OPTN: variants seen among roughly 807,000 people sequenced by gnomAD.
OPTN encodes the protein E3-14.7K-interacting protein.
OPTN carries 54 observed loss-of-function variants against 70.4 expected under a neutral mutation model. The observed-to-expected ratio is 0.77, with a 90% CI of 0.62 to 0.96. The LOEUF is 0.96. Ranked by LOEUF, OPTN falls within the 40% of genes least tolerant of loss-of-function variation. The pLI, the probability that OPTN is intolerant of heterozygous loss-of-function variation, is 0.00. For missense variants in OPTN, 624 were observed against 673.2 expected (o/e 0.93, Z 0.81); for synonymous variants, 256 against 248.5 (o/e 1.03, Z -0.28).
chr10:13,136,670 C>A, intron 14 of OPTN, 75 bp from the exon 15 acceptor site: 1 of 1,578,448 alleles, frequency 6.3e-7, no homozygotes, highest in South Asian at 1.1e-5. Context: ...TTAAAACTCG[C>A]CATCTGTTCT....
intron 10 of OPTN, 58 bp from the exon 11 acceptor site, chr10:13,125,888 C>G: frequency 7.8e-7 from 1 of 1,281,442 alleles, no homozygotes; most frequent in African/African-American, 1.5e-5. Context: ...GGAGGCAAGA[C>G]TATAAGTTTC....
intron 14 of OPTN, among the ~76,000 whole-genome samples, chr10:13,135,295 G>T (rs1239108795): frequency 6.6e-6 from 1 of 152,082 alleles, no homozygotes; most frequent in East Asian, 1.9e-4. Flanking sequence ...CCTAGCTAGG[G>T]TCAGGGCTTA....
At chr10:13,123,419 A>C (rs1170310562) in intron 8 of OPTN, among the ~76,000 whole-genome samples, 3 of 152,258 alleles carry the variant, frequency 2.0e-5, no homozygotes, top group African/African-American at 7.2e-5. Context: ...CTGAGACCTT[A>C]CTGTTGAAAG....
intron 14 of OPTN, among the ~76,000 whole-genome samples, chr10:13,135,980 A>G (rs1467175808): frequency 6.6e-6 from 1 of 152,166 alleles, no homozygotes; most frequent in Non-Finnish European, 1.5e-5. Flanking sequence ...TGAGACCAGG[A>G]GTTCAGAACC....
chr10:13,123,977 G>A lies in OPTN; in HGVS notation c.883-18G>A. 1.9e-6 allele frequency: 3 copies of A among 1,559,638 alleles called. No homozygotes were observed. The highest frequency in any genetic ancestry group is 2.7e-6 in the Non-Finnish European group (3 of 1,130,950). On this transcript the variant is annotated intron_variant, in intron 8 of 14. Transcript: ENST00000378747. ...GATGATAATTGTACAGATATGTTTG[G>A]GATTTCCCGTATGATAGGTTGGAAG... is the stretch of plus-strand genomic sequence containing the variant.
chr10:13,125,764 C>T (rs1380837775), intron 10 of OPTN, among the ~76,000 whole-genome samples, 182 bp from the exon 11 acceptor site: 1 of 152,080 alleles, frequency 6.6e-6, no homozygotes, highest in Non-Finnish European at 1.5e-5. Flanking sequence ...TGATTGTTTG[C>T]ACTCTGTCTT....
rs1554770912 is a variant in OPTN at position 13,127,905 on chromosome 10, T to G, written c.1401+2T>G. On this transcript the variant is annotated splice_donor_variant, in intron 12 of 14. Transcript: ENST00000378747. LOFTEE classifies it high-confidence loss of function. Reference sequence around the variant, plus strand: ...ACCATGACCATCCTCAGGGCTCAGGTGAGGCACCTTCCAAAACCCCAGCTG... The same window carrying G: ...ACCATGACCATCCTCAGGGCTCAGGGGAGGCACCTTCCAAAACCCCAGCTG... The G allele has an allele frequency of 1.2e-6, 2 of 1,614,060 alleles. No homozygotes were observed. Among genetic ancestry groups the G allele is most frequent in the Non-Finnish European group, 1.7e-6 (2 of 1,180,012 alleles).
chr10:13,133,533 G>C lies in OPTN; in HGVS notation c.1564G>C (p.Gly522Arg), dbSNP rs772488197. The change falls in exon 14 of 15, where the codon GGG becomes CGG. Residue 522 changes from glycine (G) to arginine (R), a missense_variant. By Grantham distance (125) the Gly-to-Arg change is moderately radical. Transcript: ENST00000378747. ...QSLMEMQSRH[G>R]ARTSDSDQQA... ...CTTGATGGAGATGCAGAGTCGTCATGGGGCGAGAACAAGTGACTCTGACCA... is the reference window on the plus strand; with the variant it reads ...CTTGATGGAGATGCAGAGTCGTCATCGGGCGAGAACAAGTGACTCTGACCA... The C allele has an allele frequency of 6.2e-7, 1 of 1,614,122 alleles. No homozygotes were observed. The highest frequency in any genetic ancestry group is 1.1e-5 in the South Asian group (1 of 91,072).
At chr10:13,119,397 C>T (rs1833293243) in intron 7 of OPTN, among the ~76,000 whole-genome samples, 1 of 152,158 alleles carries the variant, frequency 6.6e-6, no homozygotes, top group Non-Finnish European at 1.5e-5. Flanking sequence ...CTTCCTTTTC[C>T]TTGCTGAATA....
intron 2 of OPTN, chr10:13,108,897 C>T (rs1251975179): frequency 3.6e-6 from 2 of 551,810 alleles, no homozygotes; most frequent in Non-Finnish European, 3.3e-6. Context: ...CACACACATG[C>T]ACACATGCGC....
In OPTN at chr10:13,103,740, ATG is replaced by A. The variant is rs1368142081; in HGVS notation, c.-164+3439_-164+3440del. Among the ~76,000 whole-genome samples the A allele has an allele frequency of 1.7e-3, 74 of 44,126 alleles. 1 individual carries two copies. In the Admixed American group the frequency reaches 0.023, roughly 14 times the overall value. 28.9% of individuals were successfully genotyped at this position (44,126 alleles called of 152,430 possible). On this transcript the variant is annotated intron_variant, in intron 1 of 14. Transcript: ENST00000378747. ...GGAATTTAAATGTATATACACACAC[ATG>A]CACACACACACACACACACACACAC...
chr10:13,114,879 T>TAATG (rs34327051), intron 5 of OPTN, among the ~76,000 whole-genome samples: 1 of 64,606 alleles, frequency 1.5e-5, no homozygotes, highest in East Asian at 4.7e-4. Context: ...TATAATTGTA[T>TAATG]TATATACACT....
At chr10:13,103,742 GCACA>G (rs771828062) in intron 1 of OPTN, among the ~76,000 whole-genome samples, 3 of 64,794 alleles carry the variant, frequency 4.6e-5, no homozygotes, top group Admixed American at 2.9e-4. Context: ...ACACACACAT[GCACA>G]CACACACACA....
intron 14 of OPTN, among the ~76,000 whole-genome samples, chr10:13,134,669 C>T (rs2131532061): frequency 6.6e-6 from 1 of 152,286 alleles, no homozygotes; most frequent in Non-Finnish European, 1.5e-5. Flanking sequence ...CCCAGGAGAT[C>T]TGCCCACGTC....
chr10:13,121,086 T>C (rs1194555341), intron 7 of OPTN, among the ~76,000 whole-genome samples: 3 of 151,712 alleles, frequency 2.0e-5, no homozygotes, highest in Non-Finnish European at 4.4e-5. Context: ...GTCTCTCCCT[T>C]GACACATGGG....
chr10:13,111,968 C>T (rs1833014079), intron 4 of OPTN, among the ~76,000 whole-genome samples: 1 of 150,176 alleles, frequency 6.7e-6, no homozygotes, highest in Admixed American at 6.7e-5. Context: ...CTGCCTCAGC[C>T]TCCCGAGTAG....
chr10:13,123,536 G>A (rs1446043966), intron 8 of OPTN, among the ~76,000 whole-genome samples: 1 of 152,126 alleles, frequency 6.6e-6, no homozygotes, highest in African/African-American at 2.4e-5. Context: ...GGTCTTTCAA[G>A]GCATCAGAAA....
At position 13,128,028 on chromosome 10, in the gene OPTN, A is replaced by T. The variant is rs1394242976; in HGVS notation, c.1401+125A>T. The T allele has an allele frequency of 9.8e-6, 11 of 1,125,902 alleles. No individual in the cohort carries two copies. The Admixed American group carries it at 2.2e-4, about 23-fold the overall frequency. 69.7% of individuals were successfully genotyped at this position (1,125,902 alleles called of 1,614,324 possible). On this transcript the variant is annotated intron_variant, in intron 12 of 14. Coordinates refer to ENST00000378747, the MANE Select transcript of OPTN (RefSeq NM_001008212.2). ...TATATATTTTTTCACCCGTGAGTGT[A>T]TTAAAACTTTAAAATTGAAACATTT...
rs1554768948 is a variant in OPTN at position 13,114,779 on chromosome 10, T to TATATAATA, written c.553-1481_553-1480insAATATAAT. ...ATAATTGCATATATAATTATATAATTATATAATTATATAATTATATATACA... is the reference window on the plus strand; with the variant it reads ...ATAATTGCATATATAATTATATAATTATATAATAATATAATTATATAATTATATATACA... On this transcript the variant is annotated intron_variant, in intron 5 of 14. Transcript: ENST00000378747. 4.0e-5 allele frequency among the ~76,000 whole-genome samples: 4 copies of TATATAATA among 100,494 alleles called. No individual in the cohort carries two copies. The South Asian group carries it at 1.2e-3, about 31-fold the overall frequency. 65.9% of individuals were successfully genotyped at this position (100,494 alleles called of 152,430 possible).
Sources: allele counts gnomAD v4.1 joint callset (sites outside exome capture counted in the v4.1 genomes callset), GRCh38; gene constraint gnomAD v4.1.1; transcripts MANE v1.5; gene names NCBI Gene and HGNC (gene_info 2026-07-23, HGNC 2026-07-21).